Variants in SSH2 observed in about 807,000 individuals in gnomAD.
SSH2 encodes slingshot protein phosphatase 2, also known as protein phosphatase Slingshot homolog 2.
Under a neutral mutation model 135.2 loss-of-function variants are expected in SSH2, and 37 were observed. That is an observed-to-expected ratio of 0.27 (90% CI 0.21 to 0.36). The LOEUF (loss-of-function observed/expected upper bound fraction) is 0.36. Among genes scored for constraint, SSH2 ranks in the 10% least tolerant of loss-of-function variants. The probability of loss-of-function intolerance (pLI) is 1.00; values close to 1 mark genes in which losing one functional copy is unlikely to be tolerated. For synonymous variants in SSH2, 628 were observed against 646.2 expected, an observed-to-expected ratio of 0.97 and a Z score of 0.43; for missense variants, 1,408 against 1,765.3, an observed-to-expected ratio of 0.80 and a Z score of 3.63.
intron 6 of SSH2, among the ~76,000 whole-genome samples, 189 bp from the exon 7 acceptor site, chr17:29,677,930 T>C (rs1188879657): frequency 6.6e-6 from 1 of 152,196 alleles, no homozygotes; most frequent in Non-Finnish European, 1.5e-5. Flanking sequence ...TTTAAAGAGA[T>C]AGTCAGTCAG....
At position 29,676,898 on chromosome 17, in the gene SSH2, G is replaced by A. The variant is rs748564642; in HGVS notation, c.549-13C>T. 8 of 1,612,012 alleles carry A rather than the reference G, an allele frequency of 5.0e-6. No individual in the cohort carries two copies. In the African/African-American group the frequency reaches 9.3e-5, roughly 19 times the overall value. On this transcript the variant is annotated splice_polypyrimidine_tract_variant and intron_variant, in intron 7 of 15. Transcript: ENST00000540801. ...TACACTGAACCCACTAAGGACAAAT[G>A]AGAACAAGACAAAAATCCACAAATT...
intron 3 of SSH2, among the ~76,000 whole-genome samples, chr17:29,705,187 A>G (rs1036797149): frequency 3.9e-5 from 6 of 152,158 alleles, no homozygotes; most frequent in Non-Finnish European, 8.8e-5. Flanking sequence ...ACTTTCAAAT[A>G]TATCTTGAAC....
intron 4 of SSH2, 88 bp from the exon 5 acceptor site, chr17:29,695,611 A>G (rs2038694778): frequency 1.7e-6 from 2 of 1,180,926 alleles, no homozygotes; most frequent in Non-Finnish European, 2.4e-6. Context: ...CTTTTGTAAA[A>G]GAAAGTTCTG....
intron 1 of SSH2, among the ~76,000 whole-genome samples, chr17:29,892,532 A>G (rs1324245185): frequency 2.6e-5 from 4 of 152,190 alleles, no homozygotes; most frequent in African/African-American, 9.7e-5. Flanking sequence ...AAGATTCAGT[A>G]AAGCTATACA....
At chr17:29,695,908 G>A (rs1216388024) in intron 4 of SSH2, among the ~76,000 whole-genome samples, 2 of 152,100 alleles carry the variant, frequency 1.3e-5, no homozygotes, top group African/African-American at 2.4e-5. Flanking sequence ...GAAAATGGGT[G>A]TAGTAGTGTA....
intron 6 of SSH2, among the ~76,000 whole-genome samples, chr17:29,681,961 CAG>C (rs1352410118): frequency 6.6e-6 from 1 of 152,152 alleles, no homozygotes; most frequent in Non-Finnish European, 1.5e-5. Context: ...GTTTAGCAAA[CAG>C]AATGAAAACT....
At chr17:29,736,786 CAAAAAAAAAAAAAA>C (rs1194959594) in intron 3 of SSH2, among the ~76,000 whole-genome samples, 7 of 10,210 alleles carry the variant, frequency 6.9e-4, no homozygotes, top group African/African-American at 2.3e-3. Flanking sequence ...GACTCTGTCT[CAAAAAAAAAAAAAA>C]AAAAAAAAAA....
chr17:29,804,929 AGT>A (rs1205155074), intron 2 of SSH2, among the ~76,000 whole-genome samples: 1 of 146,568 alleles, frequency 6.8e-6, no homozygotes, highest in East Asian at 2.0e-4. Flanking sequence ...CTTGGCTTCA[AGT>A]GATCCTCCCA....
At chr17:29,689,699 T>C (rs1598807428) in intron 5 of SSH2, among the ~76,000 whole-genome samples, 3 of 152,286 alleles carry the variant, frequency 2.0e-5, no homozygotes, top group Admixed American at 2.0e-4. Context: ...TCTTTATTCC[T>C]GAAGAACCCA....
intron 11 of SSH2, among the ~76,000 whole-genome samples, chr17:29,661,061 C>CAAAAAAAAAAAAAAAAAAA (rs374216221): frequency 1.7e-4 from 8 of 48,358 alleles, no homozygotes; most frequent in African/African-American, 5.4e-4. Context: ...AATTCCATCT[C>CAAAAAAAAAAAAAAAAAAA]AAAAAAAAAA....
chr17:29,689,768 AATGTTTAACCT>A (rs1272226253), intron 5 of SSH2, among the ~76,000 whole-genome samples: 6 of 152,064 alleles, frequency 3.9e-5, no homozygotes. Context: ...ATCCAATTTA[AATGTTTAACCT>A]AATTACAAGC....
At chr17:29,781,471 T>C (rs1230468382) in intron 3 of SSH2, among the ~76,000 whole-genome samples, 1 of 146,488 alleles carries the variant, frequency 6.8e-6, no homozygotes, top group Non-Finnish European at 1.5e-5. Flanking sequence ...ATCCTGTGTT[T>C]TCTTTTTTTT....
At chr17:29,639,365 A>T (rs1319863153) in intron 14 of SSH2, among the ~76,000 whole-genome samples, 1 of 152,088 alleles carries the variant, frequency 6.6e-6, no homozygotes, top group East Asian at 1.9e-4. Context: ...ATGACTTACA[A>T]GCTGATGAGG....
At chr17:29,900,354 A>C (rs1040509340) in intron 1 of SSH2, among the ~76,000 whole-genome samples, 4 of 152,214 alleles carry the variant, frequency 2.6e-5, no homozygotes, top group Non-Finnish European at 4.4e-5. Context: ...CAACCTACAG[A>C]ATGGGAGAAA....
intron 3 of SSH2, among the ~76,000 whole-genome samples, chr17:29,774,848 T>G (rs2041662465): frequency 6.6e-6 from 1 of 152,194 alleles, no homozygotes; most frequent in Non-Finnish European, 1.5e-5. Flanking sequence ...CATTGCCAAC[T>G]GTGGACAACT....
At chr17:29,671,808 T>A (rs369746402) in intron 9 of SSH2, 127 bp downstream of exon 9, 2 of 797,088 alleles carry the variant, frequency 2.5e-6, no homozygotes, top group Non-Finnish European at 4.0e-6. Flanking sequence ...CACGTGCTAT[T>A]CACAATGACT....
intron 1 of SSH2, among the ~76,000 whole-genome samples, chr17:29,853,754 G>C (rs772717837): frequency 1.7e-4 from 26 of 151,498 alleles, no homozygotes; most frequent in Non-Finnish European, 3.5e-4. Flanking sequence ...CAATAACATC[G>C]ATCTATTAGG....
chr17:29,794,051 G>C, intron 2 of SSH2, 114 bp from the exon 3 acceptor site: 1 of 802,124 alleles, frequency 1.2e-6, no homozygotes, highest in Non-Finnish European at 2.0e-6. Context: ...AATTACTCAT[G>C]TTGTATACTT....
intron 3 of SSH2, among the ~76,000 whole-genome samples, chr17:29,779,960 C>A (rs570647237): frequency 2.0e-5 from 3 of 151,880 alleles, no homozygotes; most frequent in African/African-American, 7.3e-5. Flanking sequence ...CAGTAGCTCA[C>A]GCCTGTAATC....
Sources: gnomAD v4.1 joint callset for allele counts (sites outside exome capture counted in the v4.1 genomes callset) on GRCh38, gnomAD v4.1.1 for gene constraint, MANE v1.5 for transcripts, NCBI Gene and HGNC (gene_info 2026-07-23, HGNC 2026-07-21) for gene names.